The following ANO6 variants were observed in gnomAD, a reference collection of about 807,000 sequenced individuals.
The protein encoded by ANO6 is anoctamin-6.
A neutral mutation model predicts 117.5 loss-of-function variants in ANO6; 106 were observed. The ratio of observed to expected loss-of-function variants is 0.90; its 90% CI spans 0.77 to 1.06. The LOEUF (loss-of-function observed/expected upper bound fraction) is 1.06. ANO6 is among the 50% of genes least tolerant of loss of function. ANO6 has a pLI of 0.00. For synonymous variants in ANO6, 367 were observed against 385.1 expected (o/e 0.95, Z 0.55); for missense variants, 955 against 1,121.1 (o/e 0.85, Z 2.12).
chr12:45,252,596 A>G (rs900473197), intron 1 of ANO6, among the ~76,000 whole-genome samples: 3 of 152,146 alleles, frequency 2.0e-5, no homozygotes, highest in African/African-American at 7.2e-5. Context: ...CAGTGTTCTC[A>G]TTAAATACTC....
chr12:45,431,210 G>C lies in ANO6; in HGVS notation c.*1899G>C. Reference sequence around the variant, plus strand: ...TCTGACTGCACTGGGATGGAGAAATGAATTTCTTCCCACTGAAGGAAACTC... The same window carrying C: ...TCTGACTGCACTGGGATGGAGAAATCAATTTCTTCCCACTGAAGGAAACTC... On this transcript the variant is annotated 3_prime_UTR_variant, in exon 20 of 20. Transcript: ENST00000320560. 1 of 985,310 alleles carries C rather than the reference G, an allele frequency of 1.0e-6. No homozygotes were observed. The highest frequency in any genetic ancestry group is 1.2e-6 in the Non-Finnish European group (1 of 829,892). 61.0% of individuals were successfully genotyped at this position (985,310 alleles called of 1,614,324 possible).
intron 1 of ANO6, among the ~76,000 whole-genome samples, chr12:45,242,407 G>C (rs1329862997): frequency 3.9e-5 from 6 of 152,260 alleles, no homozygotes; most frequent in Non-Finnish European, 7.3e-5. Flanking sequence ...CGCCTGGTCT[G>C]CCAGTTGCTA....
At chr12:45,274,079 T>C (rs1938472285) in intron 1 of ANO6, among the ~76,000 whole-genome samples, 1 of 152,136 alleles carries the variant, frequency 6.6e-6, no homozygotes, top group African/African-American at 2.4e-5. Flanking sequence ...TTTCCCAATC[T>C]CTCCTGCTGG....
chr12:45,421,212 G>T lies in ANO6; in HGVS notation c.2359G>T (p.Asp787Tyr). Reference sequence around the variant, plus strand: ...CACTCTCTCCATCTTCAAAGTCGCAGACTTCAAAAACAAAAGCAAGGGAAA... The same window carrying T: ...CACTCTCTCCATCTTCAAAGTCGCATACTTCAAAAACAAAAGCAAGGGAAA... Reference protein sequence around the residue: ...NNTLSIFKVADFKNKSKGNPY... With the variant: ...NNTLSIFKVAYFKNKSKGNPY... Residue 787 changes from aspartate (D) to tyrosine (Y), a missense_variant, in exon 18 of 20, where the codon GAC becomes TAC. Coordinates refer to ENST00000320560, the MANE Select transcript of ANO6 (RefSeq NM_001025356.3). 1 of 1,614,156 alleles carries T rather than the reference G, an allele frequency of 6.2e-7. No individual in the cohort carries two copies.
At chr12:45,262,932 T>G (rs1038287220) in intron 1 of ANO6, among the ~76,000 whole-genome samples, 6 of 152,184 alleles carry the variant, frequency 3.9e-5, no homozygotes, top group Non-Finnish European at 7.3e-5. Context: ...CAGGACCTGT[T>G]GGAGGAAATG....
intron 3 of ANO6, among the ~76,000 whole-genome samples, chr12:45,345,879 G>T (rs1941116923): frequency 6.6e-6 from 1 of 151,936 alleles, no homozygotes; most frequent in Admixed American, 6.6e-5. Flanking sequence ...AGTTCTGTAG[G>T]CTGGGAAGTC....
intron 19 of ANO6, among the ~76,000 whole-genome samples, chr12:45,437,874 AC>A (rs1943725711): frequency 6.6e-6 from 1 of 152,030 alleles, no homozygotes; most frequent in South Asian, 2.1e-4. Flanking sequence ...CGACCTCAAA[AC>A]TTTTAAGAGT....
intron 2 of ANO6, among the ~76,000 whole-genome samples, chr12:45,325,863 C>A (rs538784819): frequency 1.3e-5 from 2 of 152,126 alleles, no homozygotes; most frequent in Non-Finnish European, 2.9e-5. Flanking sequence ...AGTAAGAGTC[C>A]TCTACCCCAT....
chr12:45,423,305 CTT>C (rs1207319903), intron 19 of ANO6, among the ~76,000 whole-genome samples: 1 of 152,136 alleles, frequency 6.6e-6, no homozygotes, highest in Non-Finnish European at 1.5e-5. Context: ...TCATTACTAA[CTT>C]TTTAAAATGT....
At chr12:45,440,134 T>C (rs1943754601) in exon 20 of ANO6, 1 of 463,820 alleles carries the variant, frequency 2.2e-6, no homozygotes, top group Admixed American at 4.4e-5. Flanking sequence ...TTGTTGTTGC[T>C]ATTATTAAAA....
chr12:45,221,439 A>G (rs953738176), intron 1 of ANO6, among the ~76,000 whole-genome samples: 2 of 152,162 alleles, frequency 1.3e-5, no homozygotes, highest in Non-Finnish European at 2.9e-5. Context: ...GGAGTTCCAA[A>G]TAGTTGCCTG....
At chr12:45,426,629 A>C (rs751023253) in intron 19 of ANO6, among the ~76,000 whole-genome samples, 1 of 151,912 alleles carries the variant, frequency 6.6e-6, no homozygotes, top group Non-Finnish European at 1.5e-5. Flanking sequence ...TTTGCTGAAA[A>C]TCTGACTTCA....
intron 9 of ANO6, among the ~76,000 whole-genome samples, chr12:45,372,051 C>A (rs1249856827): frequency 6.6e-6 from 1 of 151,882 alleles, no homozygotes; most frequent in Non-Finnish European, 1.5e-5. Context: ...GGCTCGAGAA[C>A]TACGTGAAGA....
intron 8 of ANO6, among the ~76,000 whole-genome samples, chr12:45,359,812 G>C (rs1454543200): frequency 6.6e-6 from 1 of 152,208 alleles, no homozygotes; most frequent in Non-Finnish European, 1.5e-5. Context: ...ACAAAGAATG[G>C]AATTGTTGGG....
chr12:45,250,816 G>T (rs1244023575), intron 1 of ANO6, among the ~76,000 whole-genome samples: 5 of 150,718 alleles, frequency 3.3e-5, no homozygotes, highest in Admixed American at 6.6e-5. Flanking sequence ...CCAGACTGGT[G>T]TCAAACTCCT....
At chr12:45,333,390 C>T (rs571446729) in intron 3 of ANO6, among the ~76,000 whole-genome samples, 10 of 152,034 alleles carry the variant, frequency 6.6e-5, no homozygotes, top group Non-Finnish European at 1.5e-4. Flanking sequence ...CATTAAGTAT[C>T]CATATGCCAA....
intron 2 of ANO6, among the ~76,000 whole-genome samples, chr12:45,330,091 C>T (rs1201273041): frequency 6.6e-6 from 1 of 152,048 alleles, no homozygotes; most frequent in East Asian, 1.9e-4. Flanking sequence ...GTTAAATGCA[C>T]TGGATGAAGG....
chr12:45,299,749 G>A (rs748735738), intron 1 of ANO6, among the ~76,000 whole-genome samples: 6 of 152,122 alleles, frequency 3.9e-5, no homozygotes, highest in Non-Finnish European at 8.8e-5. Flanking sequence ...CTACTTGGGA[G>A]GCTGAGGCAG....
Position 45,348,166 on chromosome 12 carries a change from A to T in ANO6, c.484A>T (p.Asn162Tyr), listed in dbSNP as rs1331213152. 1 of 1,614,124 alleles carries T rather than the reference A, an allele frequency of 6.2e-7. No individual in the cohort carries two copies. Among genetic ancestry groups the T allele is most frequent in the African/African-American group, 1.3e-5 (1 of 75,044 alleles). ...CCGGTCCTCAGCCTTTGGTACACTC[A>T]ACTGGTTTACCAAAGTCCTCAGTGT... is the stretch of plus-strand genomic sequence containing the variant. ...KNRSSAFGTLNWFTKVLSVDE... is the reference protein window; with the variant it reads ...KNRSSAFGTLYWFTKVLSVDE... Residue 162 changes from asparagine (N) to tyrosine (Y), a missense_variant, in exon 5 of 20, where the codon AAC becomes TAC. By Grantham distance (143) the Asn-to-Tyr change is moderately radical (BLOSUM62 -2). Coordinates refer to ENST00000320560, the MANE Select transcript of ANO6 (RefSeq NM_001025356.3).
Sources: gnomAD v4.1 joint callset for allele counts (sites outside exome capture counted in the v4.1 genomes callset) on GRCh38, gnomAD v4.1.1 for gene constraint, MANE v1.5 for transcripts, NCBI Gene and HGNC (gene_info 2026-07-23, HGNC 2026-07-21) for gene names.